IP6K1: variants seen among roughly 807,000 people sequenced by gnomAD.
IP6K1 encodes the protein ATP:1D-myo-inositol-hexakisphosphate phosphotransferase.
Under a neutral mutation model 38.3 loss-of-function variants are expected in IP6K1, and 13 were observed. The ratio of observed to expected loss-of-function variants is 0.34; its 90% confidence interval spans 0.22 to 0.54. IP6K1 has a LOEUF of 0.54. IP6K1 is among the 20% of genes least tolerant of loss of function. The pLI, the probability that IP6K1 is intolerant of heterozygous loss-of-function variation, is 0.92. For missense variants in IP6K1, 397 were observed against 599.8 expected (o/e 0.66, Z 3.53); for synonymous variants, 212 against 229.9 (o/e 0.92, Z 0.70).
chr3:49,744,401 C>CAAAAA (rs56916226), intron 2 of IP6K1, among the ~76,000 whole-genome samples: 2 of 76,178 alleles, frequency 2.6e-5, no homozygotes, highest in Non-Finnish European at 4.5e-5. Flanking sequence ...GACTCCGTCT[C>CAAAAA]AAAAAAAAAA....
At chr3:49,743,760 T>C (rs2080695539) in intron 2 of IP6K1, among the ~76,000 whole-genome samples, 1 of 151,790 alleles carries the variant, frequency 6.6e-6, no homozygotes, top group South Asian at 2.1e-4. Flanking sequence ...ACTGGGATTA[T>C]AGGCACCTGC....
intron 3 of IP6K1, among the ~76,000 whole-genome samples, chr3:49,735,676 A>G (rs936961126): frequency 6.6e-6 from 1 of 152,190 alleles, no homozygotes; most frequent in African/African-American, 2.4e-5. Flanking sequence ...GACATGGGAA[A>G]TGACACATAA....
At chr3:49,768,243 A>G (rs781698700) in intron 1 of IP6K1, among the ~76,000 whole-genome samples, 24 of 152,210 alleles carry the variant, frequency 1.6e-4, no homozygotes, top group Non-Finnish European at 3.5e-4. Flanking sequence ...TTTATACACC[A>G]ATGTTCACAG....
At chr3:49,739,804 C>T (rs901085675) in intron 2 of IP6K1, among the ~76,000 whole-genome samples, 1 of 151,998 alleles carries the variant, frequency 6.6e-6, no homozygotes, top group Non-Finnish European at 1.5e-5. Context: ...CACCTGAGAT[C>T]AGGAGTTCCA....
In IP6K1 at chr3:49,747,207, G is replaced by C. The variant is rs1467155170; in HGVS notation, c.223+611C>G. Among the ~76,000 whole-genome samples, 3 of 149,078 alleles carry C rather than the reference G, an allele frequency of 2.0e-5. No individual in the cohort carries two copies. The East Asian group carries it at 5.8e-4, about 29-fold the overall frequency. ...AAGCAGAATGTAAAAAAAAAACTTAGACACAATGAGCAATCATAAAAATTT... is the reference window on the plus strand; with the variant it reads ...AAGCAGAATGTAAAAAAAAAACTTACACACAATGAGCAATCATAAAAATTT... On this transcript the variant is annotated intron_variant, in intron 2 of 5. Transcript: ENST00000321599.
intron 2 of IP6K1, among the ~76,000 whole-genome samples, chr3:49,738,854 A>G (rs2080639662): frequency 6.6e-6 from 1 of 152,122 alleles, no homozygotes; most frequent in South Asian, 2.1e-4. Flanking sequence ...AAGGGACATC[A>G]ACACTTCTCC....
chr3:49,731,637 A>G (rs923789189), intron 4 of IP6K1, among the ~76,000 whole-genome samples: 2 of 152,104 alleles, frequency 1.3e-5, no homozygotes, highest in South Asian at 4.1e-4. Context: ...AAAATTAACT[A>G]CGTACAAAAG....
rs754942528 is a variant in IP6K1, at chr3:49,738,275, C to T, written c.371G>A (p.Arg124Gln). 1.2e-5 allele frequency: 19 copies of T among 1,614,100 alleles called. 1 individual carries two copies. The highest frequency in any genetic ancestry group is 4.5e-5 in the East Asian group (2 of 44,896). Residue 124 changes from arginine (R) to glutamine (Q), a missense_variant, in exon 3 of 6, where the codon CGG becomes CAG. Arg to Gln is a conservative substitution (Grantham distance 43). Coordinates refer to ENST00000321599, the MANE Select transcript of IP6K1 (RefSeq NM_153273.4). ...CTTGTGGTCACTGCCACTGCCTGAC[C>T]GGTGCAGGCTCCGGCGGGAGTGTTT... ...RRKHSRRSLH[R>Q]SGSGSDHKEE...
intron 1 of IP6K1, among the ~76,000 whole-genome samples, chr3:49,771,557 T>C (rs1178279137): frequency 1.3e-5 from 2 of 152,208 alleles, no homozygotes; most frequent in African/African-American, 2.4e-5. Context: ...ACACACTTAA[T>C]GTTGCTAAAT....
At chr3:49,764,459 G>A (rs2080892431) in intron 1 of IP6K1, among the ~76,000 whole-genome samples, 2 of 152,168 alleles carry the variant, frequency 1.3e-5, no homozygotes, top group Admixed American at 1.3e-4. Context: ...GAGGCTTCCA[G>A]TCAACAGTAG....
At chr3:49,748,238 AG>A (rs1373584407) in intron 1 of IP6K1, 70 bp from the exon 2 acceptor site, 10 of 608,740 alleles carry the variant, frequency 1.6e-5, no homozygotes, top group Non-Finnish European at 2.9e-5. Flanking sequence ...GAGCTCCATG[AG>A]TGAGAGCAGG....
Position 49,748,153 on chromosome 3 carries a change from A to G in IP6K1, c.-113T>C. On this transcript the variant is annotated 5_prime_UTR_variant, in exon 2 of 6. Transcript: ENST00000321599. ...GAAAGCCAATGGTCAGATTCTATTC[A>G]GCTTATTATTCTGTCCTACAGAAAA... is the stretch of plus-strand genomic sequence containing the variant. 3 of 1,054,302 alleles carry G rather than the reference A, an allele frequency of 2.8e-6. No homozygotes were observed. The highest frequency in any genetic ancestry group is 3.0e-4 in the Middle Eastern group (1 of 3,298). 65.3% of individuals were successfully genotyped at this position (1,054,302 alleles called of 1,614,324 possible).
At chr3:49,772,109 C>T (rs2080964850) in intron 1 of IP6K1, among the ~76,000 whole-genome samples, 1 of 151,532 alleles carries the variant, frequency 6.6e-6, no homozygotes, top group African/African-American at 2.4e-5. Context: ...ACTTGGGAAG[C>T]TGAGGTGGGA....
At chr3:49,766,306 C>T in intron 1 of IP6K1, among the ~76,000 whole-genome samples, 1 of 151,802 alleles carries the variant, frequency 6.6e-6, no homozygotes, top group East Asian at 1.9e-4. Context: ...GAGATCAAGT[C>T]TGCAGTGAGC....
intron 2 of IP6K1, among the ~76,000 whole-genome samples, chr3:49,744,024 G>A (rs1345087052): frequency 6.6e-6 from 1 of 152,106 alleles, no homozygotes; most frequent in East Asian, 1.9e-4. Flanking sequence ...ATGCCTAATG[G>A]TGTGTGCTGA....
intron 1 of IP6K1, among the ~76,000 whole-genome samples, chr3:49,780,535 T>C (rs959312725): frequency 1.3e-5 from 2 of 152,146 alleles, no homozygotes; most frequent in South Asian, 4.1e-4. Context: ...CCCATCACTG[T>C]TCCTTATAGC....
intron 3 of IP6K1, among the ~76,000 whole-genome samples, chr3:49,736,054 T>A (rs916954593): frequency 6.6e-6 from 1 of 152,002 alleles, no homozygotes; most frequent in Non-Finnish European, 1.5e-5. Context: ...GTAGCTGGGA[T>A]TACAGGCCCG....
At chr3:49,759,823 C>T (rs2080853510) in intron 1 of IP6K1, among the ~76,000 whole-genome samples, 1 of 152,234 alleles carries the variant, frequency 6.6e-6, no homozygotes, top group Non-Finnish European at 1.5e-5. Flanking sequence ...TAATGCCTCA[C>T]AAAATGCCAT....
At chr3:49,771,075 C>T (rs1035869593) in intron 1 of IP6K1, among the ~76,000 whole-genome samples, 5 of 150,720 alleles carry the variant, frequency 3.3e-5, no homozygotes, top group African/African-American at 9.8e-5. Context: ...GTTATGATCA[C>T]GCTACTACAC....
Sources: allele counts gnomAD v4.1 joint callset (sites outside exome capture counted in the v4.1 genomes callset), GRCh38; gene constraint gnomAD v4.1.1; transcripts MANE v1.5; gene names NCBI Gene and HGNC (gene_info 2026-07-23, HGNC 2026-07-21).